PLBD1: variants seen among roughly 807,000 people sequenced by gnomAD.
The protein encoded by PLBD1 is phospholipase B domain containing 1, also known as lysosomal leucine aminopeptidase.
A neutral mutation model predicts 63.0 loss-of-function variants in PLBD1; 60 were observed. The ratio of observed to expected loss-of-function variants is 0.95; its 90% CI spans 0.77 to 1.18. PLBD1 has a LOEUF of 1.18. PLBD1 is among the 50% of genes most tolerant of loss of function. The pLI, the probability that PLBD1 is intolerant of heterozygous loss-of-function variation, is 0.00. For missense variants in PLBD1, 598 were observed against 677.9 expected (o/e 0.88, Z 1.31); for synonymous variants, 262 against 248.0 (o/e 1.06, Z -0.53).
At chr12:14,516,192 G>A (rs10128970) in intron 6 of PLBD1, among the ~76,000 whole-genome samples, 3,150 of 152,202 alleles carry the variant, frequency 0.021, 96 homozygotes, top group African/African-American at 0.071. Context: ...AGCTGGGCAC[G>A]GTGGCGCGCG....
chr12:14,510,536 A>C (rs1169692523), intron 8 of PLBD1, among the ~76,000 whole-genome samples: 6 of 152,262 alleles, frequency 3.9e-5, no homozygotes, highest in Non-Finnish European at 7.3e-5. Context: ...GAAACAAAAT[A>C]ATAATTTGTG....
chr12:14,557,220 G>A (rs989544982), intron 1 of PLBD1, among the ~76,000 whole-genome samples: 2 of 152,056 alleles, frequency 1.3e-5, no homozygotes, highest in Non-Finnish European at 2.9e-5. Flanking sequence ...ATACACTGTC[G>A]GTGACAGTGT....
Position 14,553,339 on chromosome 12 carries a change from A to G in PLBD1, c.189T>C (p.Asn63=), listed in dbSNP as rs1463922854. ...TATTGTAAAAGCCATAGGCGTCCCCATTCTTGTCCATTACATTTTTGACTT... is the reference window on the plus strand; with the variant it reads ...TATTGTAAAAGCCATAGGCGTCCCCGTTCTTGTCCATTACATTTTTGACTT... ...TVQVKNVMDK[N]GDAYGFYNNS... is the part of the protein sequence containing the mutation. Residue 63 remains asparagine (N), a synonymous_variant, in exon 2 of 11, where the codon AAT becomes AAC. Coordinates refer to ENST00000240617, the MANE Select transcript of PLBD1 (RefSeq NM_024829.6). 12 of 1,614,022 alleles carry G rather than the reference A, an allele frequency of 7.4e-6. No homozygotes were observed. The highest frequency in any genetic ancestry group is 8.5e-7 in the Non-Finnish European group (1 of 1,180,028).
chr12:14,510,028 G>A (rs1230881821), intron 8 of PLBD1, among the ~76,000 whole-genome samples: 1 of 152,158 alleles, frequency 6.6e-6, no homozygotes, highest in African/African-American at 2.4e-5. Flanking sequence ...TGGATTATAT[G>A]ACATTACAGT....
At chr12:14,536,481 A>G (rs1945515221) in intron 5 of PLBD1, 89 bp downstream of exon 5, 2 of 1,410,886 alleles carry the variant, frequency 1.4e-6, no homozygotes, top group Middle Eastern at 1.8e-4. Flanking sequence ...AGTTATAGCC[A>G]GGGGTGATGA....
intron 6 of PLBD1, among the ~76,000 whole-genome samples, chr12:14,532,714 T>C (rs1292316731): frequency 6.6e-6 from 1 of 152,164 alleles, no homozygotes; most frequent in Non-Finnish European, 1.5e-5. Context: ...ATGCGTTGCT[T>C]TCTGGACTCA....
intron 6 of PLBD1, among the ~76,000 whole-genome samples, chr12:14,513,099 C>A (rs2136906782): frequency 6.6e-6 from 1 of 152,176 alleles, no homozygotes; most frequent in Admixed American, 6.5e-5. Context: ...TCTGAACTAT[C>A]ATTTAGTTAA....
At chr12:14,538,883 G>A (rs940679712) in intron 4 of PLBD1, among the ~76,000 whole-genome samples, 32 of 151,962 alleles carry the variant, frequency 2.1e-4, no homozygotes, top group Admixed American at 1.5e-3. Context: ...AAAATTAGCC[G>A]GGCATGGTGG....
At chr12:14,507,816 A>G (rs1945267448) in intron 8 of PLBD1, among the ~76,000 whole-genome samples, 1 of 152,186 alleles carries the variant, frequency 6.6e-6, no homozygotes, top group African/African-American at 2.4e-5. Flanking sequence ...AAGGCCACAT[A>G]GCCTACTAGT....
At chr12:14,532,369 G>A (rs1261719643) in intron 6 of PLBD1, among the ~76,000 whole-genome samples, 2 of 152,170 alleles carry the variant, frequency 1.3e-5, no homozygotes, top group Non-Finnish European at 2.9e-5. Context: ...AGGAGGCCAC[G>A]ACAGGGGCCA....
rs546031480 is a variant in PLBD1 at position 14,529,197 on chromosome 12, A to AAAAT, written c.844+6458_844+6461dup. On this transcript the variant is annotated intron_variant, in intron 6 of 10. Transcript: ENST00000240617. ...GGGACAGAGTGAGACCCTGTCTTTA[A>AAAAT]AAATAAATAAATAAATAAATAAATA... Among the ~76,000 whole-genome samples the AAAAT allele has an allele frequency of 1.0e-3, 158 of 151,966 alleles. 1 individual carries two copies. The East Asian group carries it at 0.018, about 17-fold the overall frequency.
Position 14,506,960 on chromosome 12 carries a change from A to G in PLBD1, c.1345T>C (p.Ser449Pro). The G allele has an allele frequency of 2.5e-6, 4 of 1,614,118 alleles. No individual in the cohort carries two copies. The highest frequency in any genetic ancestry group is 3.4e-6 in the Non-Finnish European group (4 of 1,179,994). The change falls in exon 9 of 11, where the codon TCC becomes CCC. Residue 449 changes from serine (S) to proline (P), a missense_variant. Ser to Pro is a moderately conservative substitution (Grantham distance 74). Coordinates refer to ENST00000240617, the MANE Select transcript of PLBD1 (RefSeq NM_024829.6). The stretch of plus-strand genomic sequence containing the variant: ...TTGTATCGCATGATATATTTCATGG[A>G]TGCCGTATCAGTCACTTTCCCTTGG... ...RDQGKVTDTA[S>P]MKYIMRYNNY...
chr12:14,539,431 T>C (rs1945547541), intron 4 of PLBD1, among the ~76,000 whole-genome samples: 1 of 151,690 alleles, frequency 6.6e-6, no homozygotes, highest in East Asian at 1.9e-4. Flanking sequence ...ATTTATCATC[T>C]ATATATATTT....
Position 14,567,733 on chromosome 12 carries a change from CGGCCGCGGT to C in PLBD1, c.-46_-38del. 7.2e-7 allele frequency: 1 copy of C among 1,387,824 alleles called. No individual in the cohort carries two copies. Among genetic ancestry groups the C allele is most frequent in the South Asian group, 1.6e-5 (1 of 61,558 alleles). 86.0% of individuals were successfully genotyped at this position (1,387,824 alleles called of 1,614,324 possible). The stretch of plus-strand genomic sequence containing the variant: ...CGCGACCTTCCTCTGCGGGATCAGG[CGGCCGCGGT>C]GGCCCGCGGTGGCAGAAGTTGCAAG... On this transcript the variant is annotated 5_prime_UTR_variant, in exon 1 of 11. Transcript: ENST00000240617.
chr12:14,517,919 G>A (rs1008406402), intron 6 of PLBD1, among the ~76,000 whole-genome samples: 1 of 152,146 alleles, frequency 6.6e-6, no homozygotes, highest in Non-Finnish European at 1.5e-5. Context: ...AGTGGCTCAC[G>A]CCTGTAATTC....
At chr12:14,522,352 G>C (rs1945383248) in intron 6 of PLBD1, among the ~76,000 whole-genome samples, 1 of 152,132 alleles carries the variant, frequency 6.6e-6, no homozygotes, top group African/African-American at 2.4e-5. Context: ...CAAGTAATGA[G>C]ATTGAATTAG....
At chr12:14,537,036 C>G (rs1216977523) in intron 4 of PLBD1, among the ~76,000 whole-genome samples, 3 of 149,446 alleles carry the variant, frequency 2.0e-5, no homozygotes, top group African/African-American at 5.0e-5. Flanking sequence ...TTGCAGTGAG[C>G]CAAGATCGCA....
At chr12:14,525,617 C>A (rs935318116) in intron 6 of PLBD1, among the ~76,000 whole-genome samples, 1 of 151,836 alleles carries the variant, frequency 6.6e-6, no homozygotes, top group South Asian at 2.1e-4. Context: ...AAGCTGAAGT[C>A]ACCAAAAATC....
At chr12:14,523,462 T>C (rs1945392706) in intron 6 of PLBD1, among the ~76,000 whole-genome samples, 1 of 137,762 alleles carries the variant, frequency 7.3e-6, no homozygotes, top group African/African-American at 2.5e-5. Context: ...ACATTCTTCA[T>C]AGAAAGAGAA....
Sources: gnomAD v4.1 joint callset for allele counts (sites outside exome capture counted in the v4.1 genomes callset) on GRCh38, gnomAD v4.1.1 for gene constraint, MANE v1.5 for transcripts, NCBI Gene and HGNC (gene_info 2026-07-23, HGNC 2026-07-21) for gene names.